Variants in HS6ST3 observed in about 807,000 individuals in gnomAD.
The protein encoded by HS6ST3 is heparan sulfate 6-O-sulfotransferase 3.
A neutral mutation model predicts 36.7 loss-of-function variants in HS6ST3; 12 were observed. That is an observed-to-expected ratio of 0.33 (90% CI 0.21 to 0.53). The LOEUF (loss-of-function observed/expected upper bound fraction) is 0.53, where lower values mean the gene tolerates loss of function less well. Ranked by LOEUF, HS6ST3 falls within the 20% of genes least tolerant of loss-of-function variation. The pLI is 0.95. For missense variants in HS6ST3, 584 were observed against 640.9 expected (o/e 0.91, Z 0.96); for synonymous variants, 240 against 257.5 (o/e 0.93, Z 0.65).
intron 1 of HS6ST3, among the ~76,000 whole-genome samples, chr13:96,797,551 C>A (rs1020084550): frequency 2.0e-5 from 3 of 152,048 alleles, no homozygotes; most frequent in Non-Finnish European, 4.4e-5. Context: ...AAAACAACAA[C>A]AATGGCAAAG....
chr13:96,789,301 C>T (rs35413505), intron 1 of HS6ST3, among the ~76,000 whole-genome samples: 18,208 of 151,520 alleles, frequency 0.12, 1,199 homozygotes, highest in East Asian at 0.24. Flanking sequence ...TATAGAGGTC[C>T]TTTGGCCCTT....
intron 1 of HS6ST3, among the ~76,000 whole-genome samples, chr13:96,241,984 A>C (rs2054562773): frequency 6.6e-6 from 1 of 151,494 alleles, no homozygotes; most frequent in South Asian, 2.1e-4. Context: ...ACGGGGTTTC[A>C]CCGTGTTAGC....
chr13:96,403,319 A>G (rs1315908833), intron 1 of HS6ST3, among the ~76,000 whole-genome samples: 1 of 152,190 alleles, frequency 6.6e-6, no homozygotes, highest in African/African-American at 2.4e-5. Context: ...ATGACATATG[A>G]TTCCATTTGT....
At chr13:96,803,995 C>A (rs1482914750) in intron 1 of HS6ST3, among the ~76,000 whole-genome samples, 1 of 152,056 alleles carries the variant, frequency 6.6e-6, no homozygotes, top group East Asian at 1.9e-4. Context: ...AAGGAAAAGC[C>A]TTTCGGTCCC....
intron 1 of HS6ST3, among the ~76,000 whole-genome samples, chr13:96,206,924 A>C (rs772400244): frequency 6.6e-6 from 1 of 152,214 alleles, no homozygotes; most frequent in Non-Finnish European, 1.5e-5. Flanking sequence ...TGAAAAGGCC[A>C]AAAGCAATTG....
chr13:96,771,934 G>A lies in HS6ST3; in HGVS notation c.708-60556G>A, dbSNP rs146912734. 7.0e-4 allele frequency among the ~76,000 whole-genome samples: 106 copies of A among 152,334 alleles called. 2 individuals carry two copies. Among genetic ancestry groups the A allele is most frequent in the African/African-American group, 2.4e-3 (101 of 41,574 alleles). On this transcript the variant is annotated intron_variant, in intron 1 of 1. Coordinates refer to ENST00000376705, the MANE Select transcript of HS6ST3 (RefSeq NM_153456.4). Reference sequence around the variant, plus strand: ...GGATGATGAAATACTATGAAATACAGGTTGATGTGGTATAATCATGACAGA... The same window carrying A: ...GGATGATGAAATACTATGAAATACAAGTTGATGTGGTATAATCATGACAGA...
In HS6ST3 at chr13:96,128,105, G is replaced by A. The variant is rs80318400; in HGVS notation, c.707+36536G>A. Among the ~76,000 whole-genome samples, 702 of 152,308 alleles carry A rather than the reference G, an allele frequency of 4.6e-3. 5 individuals are homozygous for A. The highest frequency in any genetic ancestry group is 0.016 in the African/African-American group (679 of 41,562). The stretch of plus-strand genomic sequence containing the variant: ...TTATCGAGTGATTACTGTATGTTAA[G>A]TACTGGGCTAAGTTAGAAAGCCAGT... On this transcript the variant is annotated intron_variant, in intron 1 of 1. Transcript: ENST00000376705.
chr13:96,370,645 C>T (rs1236015875), intron 1 of HS6ST3, among the ~76,000 whole-genome samples: 1 of 152,220 alleles, frequency 6.6e-6, no homozygotes, highest in East Asian at 1.9e-4. Flanking sequence ...GGTGTGGTGG[C>T]TCATGCCTGT....
At chr13:96,563,041 C>CAA (rs34175542) in intron 1 of HS6ST3, among the ~76,000 whole-genome samples, 11,663 of 79,242 alleles carry the variant, frequency 0.15, 981 homozygotes, top group African/African-American at 0.32. Flanking sequence ...GCAGAAATAG[C>CAA]AAAAAAAAAA....
chr13:96,095,352 T>C (rs190076800), intron 1 of HS6ST3, among the ~76,000 whole-genome samples: 6 of 152,350 alleles, frequency 3.9e-5, no homozygotes, highest in Middle Eastern at 3.4e-3. Context: ...TGGAAAGATA[T>C]TCTATCTGCA....
At chr13:96,328,689 G>C (rs1424207207) in intron 1 of HS6ST3, among the ~76,000 whole-genome samples, 1 of 152,034 alleles carries the variant, frequency 6.6e-6, no homozygotes, top group African/African-American at 2.4e-5. Flanking sequence ...GATGATGCTG[G>C]CCTCATAAAA....
chr13:96,210,151 T>G (rs1195624583), intron 1 of HS6ST3, among the ~76,000 whole-genome samples: 2 of 152,258 alleles, frequency 1.3e-5, no homozygotes, highest in Non-Finnish European at 2.9e-5. Context: ...TAATTAAATA[T>G]GCCTGCTAAT....
chr13:96,335,854 CA>C (rs915592401), intron 1 of HS6ST3, among the ~76,000 whole-genome samples: 20 of 152,142 alleles, frequency 1.3e-4, no homozygotes, highest in African/African-American at 3.9e-4. Flanking sequence ...TTGTGAGTGT[CA>C]GGGGTAGAAT....
intron 1 of HS6ST3, among the ~76,000 whole-genome samples, chr13:96,739,764 C>G (rs576937413): frequency 2.0e-4 from 31 of 152,260 alleles, no homozygotes; most frequent in African/African-American, 7.5e-4. Context: ...GCGCAGCCCA[C>G]CAGAATGTAA....
intron 1 of HS6ST3, among the ~76,000 whole-genome samples, chr13:96,824,909 G>A (rs543409979): frequency 6.6e-6 from 1 of 152,254 alleles, no homozygotes; most frequent in East Asian, 1.9e-4. Flanking sequence ...ACATCCTGGG[G>A]AATCAAAGGT....
intron 1 of HS6ST3, among the ~76,000 whole-genome samples, chr13:96,233,968 G>T (rs1404551037): frequency 6.6e-6 from 1 of 152,068 alleles, no homozygotes; most frequent in Non-Finnish European, 1.5e-5. Flanking sequence ...CATTTTAGGG[G>T]AAAGAATGTG....
At chr13:96,441,129 G>T (rs1484064527) in intron 1 of HS6ST3, among the ~76,000 whole-genome samples, 1 of 152,084 alleles carries the variant, frequency 6.6e-6, no homozygotes, top group Admixed American at 6.6e-5. Flanking sequence ...CAGGAAGAGG[G>T]CCTTCACCAA....
chr13:96,630,506 C>T (rs1252003154), intron 1 of HS6ST3, among the ~76,000 whole-genome samples: 1 of 152,174 alleles, frequency 6.6e-6, no homozygotes, highest in African/African-American at 2.4e-5. Flanking sequence ...GGCAGGTGCC[C>T]TCACTCGCCT....
chr13:96,463,161 A>G (rs1239839132), intron 1 of HS6ST3, among the ~76,000 whole-genome samples: 2 of 152,180 alleles, frequency 1.3e-5, no homozygotes, highest in African/African-American at 4.8e-5. Flanking sequence ...TTGAAAAAAG[A>G]AAGTGCAGAG....
Sources: gnomAD v4.1 joint callset for allele counts (sites outside exome capture counted in the v4.1 genomes callset) on GRCh38, gnomAD v4.1.1 for gene constraint, MANE v1.5 for transcripts, NCBI Gene and HGNC (gene_info 2026-07-23, HGNC 2026-07-21) for gene names.